Variants in ARHGAP6 observed in about 807,000 individuals in gnomAD.
ARHGAP6 encodes rho GTPase-activating protein 6.
A neutral mutation model predicts 55.7 loss-of-function variants in ARHGAP6; 16 were observed. The observed-to-expected ratio is 0.29, with a 90% CI of 0.19 to 0.44. ARHGAP6 has a LOEUF of 0.44. ARHGAP6 is among the 20% of genes least tolerant of loss of function. The pLI, the probability that ARHGAP6 is intolerant of heterozygous loss-of-function variation, is 1.00. For synonymous variants in ARHGAP6, 382 were observed against 360.9 expected (o/e 1.06, Z -0.66); for missense variants, 698 against 808.9 (o/e 0.86, Z 1.66).
intron 1 of ARHGAP6, among the ~76,000 whole-genome samples, chrX:11,635,395 A>AT (rs201372399): frequency 0.012 from 1,351 of 111,913 alleles, 21 homozygotes; most frequent in African/African-American, 0.042. Context: ...ATTCTATGAG[A>AT]TTTTTTTAAA....
In ARHGAP6 at chrX:11,304,777, C is replaced by CTTTTTTTTTTTTTTTTTTTTT. The variant is rs953912280; in HGVS notation, c.589-50091_589-50071dup. ...AAGGATTTCATTTTTCTTTCTTTTA[C>CTTTTTTTTTTTTTTTTTTTTT]TTTTTTTTTTTTTTTTTTTTTTTTT... On this transcript the variant is annotated intron_variant, in intron 1 of 12. Transcript: ENST00000337414. 8.0e-5 allele frequency among the ~76,000 whole-genome samples: 4 copies of CTTTTTTTTTTTTTTTTTTTTT among 50,307 alleles called. 1 individual carries two copies. The highest frequency in any genetic ancestry group is 1.5e-4 in the Non-Finnish European group (4 of 27,114). The allele number at this position is 50,307 out of a possible 115,157, so 43.7% of individuals were successfully genotyped here.
chrX:11,175,630 G>C (rs1310629292), intron 8 of ARHGAP6, among the ~76,000 whole-genome samples: 1 of 111,452 alleles, frequency 9.0e-6, no homozygotes, highest in African/African-American at 3.3e-5. Flanking sequence ...CTCAACCAGG[G>C]GTGATTTTGA....
intron 1 of ARHGAP6, among the ~76,000 whole-genome samples, chrX:11,268,240 T>C: frequency 8.9e-6 from 1 of 112,114 alleles, no homozygotes; most frequent in East Asian, 2.8e-4. Context: ...CAGTACTCTT[T>C]TGCCTAAAAC....
chrX:11,276,790 G>A (rs1385700845), intron 1 of ARHGAP6, among the ~76,000 whole-genome samples: 1 of 112,229 alleles, frequency 8.9e-6, no homozygotes, highest in East Asian at 2.8e-4. Context: ...TTGCTCTGAT[G>A]TATAGAAAAT....
At chrX:11,391,556 C>G (rs1012537022) in intron 1 of ARHGAP6, among the ~76,000 whole-genome samples, 4 of 111,876 alleles carry the variant, frequency 3.6e-5, no homozygotes, top group African/African-American at 1.3e-4. Flanking sequence ...TGATGAATCC[C>G]ATTTCCACGT....
intron 1 of ARHGAP6, among the ~76,000 whole-genome samples, chrX:11,601,719 C>T (rs2051976619): frequency 9.0e-6 from 1 of 111,543 alleles, no homozygotes; most frequent in Admixed American, 9.6e-5. Context: ...GTGTCAATCT[C>T]TAGAGACATG....
chrX:11,192,703 AGAACAGTG>A (rs1460895104), intron 3 of ARHGAP6, among the ~76,000 whole-genome samples: 1 of 111,896 alleles, frequency 8.9e-6, no homozygotes, highest in East Asian at 2.8e-4. Flanking sequence ...TTCACCAAAA[AGAACAGTG>A]CCAGAATTGA....
intron 8 of ARHGAP6, among the ~76,000 whole-genome samples, chrX:11,171,219 G>GA (rs757960133): frequency 1.2e-4 from 13 of 108,745 alleles, no homozygotes; most frequent in African/African-American, 3.3e-4. Flanking sequence ...TAAGCCAAAA[G>GA]AAAAAAAAAT....
chrX:11,478,993 T>C (rs780033301), intron 1 of ARHGAP6, among the ~76,000 whole-genome samples: 1 of 112,070 alleles, frequency 8.9e-6, no homozygotes, highest in African/African-American at 3.2e-5. Context: ...GAAATACTCA[T>C]GCATGCAAAA....
intron 1 of ARHGAP6, among the ~76,000 whole-genome samples, chrX:11,392,171 G>A (rs1375462022): frequency 3.6e-5 from 4 of 112,308 alleles, no homozygotes; most frequent in African/African-American, 1.3e-4. Flanking sequence ...AGGAAGCTCA[G>A]TTACTCCTCT....
At chrX:11,301,262 C>T (rs1305178634) in intron 1 of ARHGAP6, among the ~76,000 whole-genome samples, 2 of 111,747 alleles carry the variant, frequency 1.8e-5, no homozygotes, top group Non-Finnish European at 3.8e-5. Context: ...AATTTGTTTT[C>T]CTCAAAAAAT....
At chrX:11,358,488 T>TCTTTCTTTC (rs1156649373) in intron 1 of ARHGAP6, among the ~76,000 whole-genome samples, 3 of 100,179 alleles carry the variant, frequency 3.0e-5, no homozygotes, top group Admixed American at 2.2e-4. Context: ...TTTCTTTCTT[T>TCTTTCTTTC]TTTTTTTTTT....
intron 1 of ARHGAP6, among the ~76,000 whole-genome samples, chrX:11,580,482 T>C (rs1233397155): frequency 8.9e-6 from 1 of 111,833 alleles, no homozygotes; most frequent in Non-Finnish European, 1.9e-5. Flanking sequence ...ATGAATAATC[T>C]TTCATTAGAA....
At chrX:11,503,368 T>C (rs1042092765) in intron 1 of ARHGAP6, among the ~76,000 whole-genome samples, 3 of 111,907 alleles carry the variant, frequency 2.7e-5, no homozygotes, top group Non-Finnish European at 5.6e-5. Flanking sequence ...CATGGCACAC[T>C]GCACATTCCT....
At chrX:11,445,688 G>A (rs979787651) in intron 1 of ARHGAP6, among the ~76,000 whole-genome samples, 1 of 111,623 alleles carries the variant, frequency 9.0e-6, no homozygotes, top group African/African-American at 3.3e-5. Flanking sequence ...GAGGACATTG[G>A]GCAATGTGTG....
chrX:11,454,663 T>C (rs966720923), intron 1 of ARHGAP6, among the ~76,000 whole-genome samples: 28 of 112,063 alleles, frequency 2.5e-4, no homozygotes, highest in African/African-American at 6.8e-4. Context: ...AGTCTAGCTC[T>C]GCCTCATGTG....
intron 1 of ARHGAP6, among the ~76,000 whole-genome samples, chrX:11,336,574 C>CT (rs970578600): frequency 1.2e-4 from 14 of 112,132 alleles, no homozygotes; most frequent in African/African-American, 4.2e-4. Context: ...CCCCAGATGT[C>CT]TACCAATTGG....
At chrX:11,492,429 A>G in intron 1 of ARHGAP6, among the ~76,000 whole-genome samples, 1 of 111,769 alleles carries the variant, frequency 8.9e-6, no homozygotes, top group Non-Finnish European at 1.9e-5. Flanking sequence ...ACTAGAAAAG[A>G]ATGGCTTAAA....
At chrX:11,326,916 G>A (rs969397907) in intron 1 of ARHGAP6, among the ~76,000 whole-genome samples, 2 of 111,216 alleles carry the variant, frequency 1.8e-5, no homozygotes, top group Admixed American at 9.6e-5. Flanking sequence ...ATGGCAGACC[G>A]CTTAGTTAAA....
Sources: gnomAD v4.1 joint callset for allele counts (sites outside exome capture counted in the v4.1 genomes callset) on GRCh38, gnomAD v4.1.1 for gene constraint, MANE v1.5 for transcripts, NCBI Gene and HGNC (gene_info 2026-07-23, HGNC 2026-07-21) for gene names.